The following IGDCC4 variants were observed in gnomAD, a reference collection of about 807,000 sequenced individuals.
IGDCC4 encodes the protein immunoglobulin superfamily DCC subclass member 4, also known as likely ortholog of mouse neighbor of Punc E11.
IGDCC4 carries 72 observed loss-of-function variants against 116.6 expected under a neutral mutation model. The ratio of observed to expected loss-of-function variants is 0.62; its 90% CI spans 0.51 to 0.75. The LOEUF is 0.75. Among genes scored for constraint, IGDCC4 ranks in the 30% least tolerant of loss-of-function variants. The probability of loss-of-function intolerance (pLI) is 0.00; values close to 1 mark genes in which losing one functional copy is unlikely to be tolerated. For synonymous variants in IGDCC4, 709 were observed against 719.9 expected (o/e 0.98, Z 0.24); for missense variants, 1,501 against 1,662.4 (o/e 0.90, Z 1.69).
rs1396885480 is a variant in IGDCC4 at position 65,385,969 on chromosome 15, AGCTGGGGG to A, written c.3034_3041del (p.Pro1012CysfsTer3). The A allele has an allele frequency of 2.0e-6, 3 of 1,533,672 alleles. No homozygotes were observed. Among genetic ancestry groups the A allele is most frequent in the Non-Finnish European group, 2.7e-6 (3 of 1,121,702 alleles). ...GCACAAGGGACTCCAATTCATGGGC[AGCTGGGGG>A]GCTGGGGGGGCCAAGCCGAGCTCTG... On this transcript the variant is annotated frameshift_variant, in exon 18 of 20. Coordinates refer to ENST00000352385, the MANE Select transcript of IGDCC4 (RefSeq NM_020962.3). LOFTEE classifies it high-confidence loss of function.
intron 12 of IGDCC4, 95 bp downstream of exon 12, chr15:65,391,785 C>T: frequency 9.0e-7 from 1 of 1,109,280 alleles, no homozygotes; most frequent in Non-Finnish European, 1.3e-6. Context: ...TACTAAAGTA[C>T]CTGCTCACCA....
Position 65,391,868 on chromosome 15 carries a change from C to T in IGDCC4, c.2224+12G>A, listed in dbSNP as rs2091518196. On this transcript the variant is annotated intron_variant, in intron 12 of 19. Coordinates refer to ENST00000352385, the MANE Select transcript of IGDCC4 (RefSeq NM_020962.3). ...CTGAGCCCTCCCCGCCTTCTTCCCC[C>T]ACCGCCCTCACCTGGTGCCGGCGCC... is the stretch of plus-strand genomic sequence containing the variant. 2 of 1,611,190 alleles carry T rather than the reference C, an allele frequency of 1.2e-6. No individual in the cohort carries two copies. Among genetic ancestry groups the T allele is most frequent in the Non-Finnish European group, 1.7e-6 (2 of 1,178,426 alleles).
chr15:65,403,236 G>A (rs763470354), intron 3 of IGDCC4, among the ~76,000 whole-genome samples: 1 of 152,198 alleles, frequency 6.6e-6, no homozygotes, highest in Non-Finnish European at 1.5e-5. Flanking sequence ...CTAAAAAGGA[G>A]GCAGCTCTGT....
chr15:65,409,113 G>A (rs941319788), intron 3 of IGDCC4, among the ~76,000 whole-genome samples: 1 of 152,140 alleles, frequency 6.6e-6, no homozygotes, highest in African/African-American at 2.4e-5. Flanking sequence ...GGGATTACAG[G>A]CATGAGTCAC....
rs755188851 is a variant in IGDCC4, at chr15:65,385,000, G to GTT, written c.3294_3295dup (p.Thr1099LysfsTer16). The GTT allele has an allele frequency of 6.2e-7, 1 of 1,610,886 alleles. No homozygotes were observed. Among genetic ancestry groups the GTT allele is most frequent in the Non-Finnish European group, 8.5e-7 (1 of 1,178,946 alleles). On this transcript the variant is annotated frameshift_variant, in exon 19 of 20. Transcript: ENST00000352385. LOFTEE classifies it low-confidence loss of function (END_TRUNC). This position sits in a 1 kb window ranked among gnomAD's most constrained non-coding sequence, Gnocchi z 4.9. Reference sequence around the variant, plus strand: ...AGCCTGCAGCAACAGCGTCTGCCCAGTTCCAGCAGGGGGCAGCAGGGCCCG... The same window carrying GTT: ...AGCCTGCAGCAACAGCGTCTGCCCAGTTTTCCAGCAGGGGGCAGCAGGGCCCG...
At chr15:65,392,716 C>G (rs1040677758) in intron 10 of IGDCC4, among the ~76,000 whole-genome samples, 11 of 152,140 alleles carry the variant, frequency 7.2e-5, no homozygotes, top group Non-Finnish European at 1.2e-4. Context: ...TCTGAAGGAT[C>G]AAACACTGGG....
chr15:65,385,670 C>G (rs1200628412), intron 18 of IGDCC4, 161 bp downstream of exon 18: 1 of 715,554 alleles, frequency 1.4e-6, no homozygotes, highest in East Asian at 2.7e-5. Flanking sequence ...CCATGTGCTT[C>G]CCTGACAGCC....
At chr15:65,415,371 G>C (rs546274471) in intron 1 of IGDCC4, among the ~76,000 whole-genome samples, 5 of 152,228 alleles carry the variant, frequency 3.3e-5, no homozygotes, top group Admixed American at 6.5e-5. Flanking sequence ...CAGGACGGCC[G>C]CCAGAGGGGC....
rs555620979 is a variant in IGDCC4 at position 65,422,923 on chromosome 15, G to T, written c.-61C>A. The T allele has an allele frequency of 7.2e-6, 7 of 968,188 alleles. No individual in the cohort carries two copies. Among genetic ancestry groups the T allele is most frequent in the East Asian group, 1.1e-4 (1 of 8,822 alleles). 60.0% of individuals were successfully genotyped at this position (968,188 alleles called of 1,614,324 possible). A position where few individuals can be genotyped will look rare whatever the true frequency, so the allele number is the denominator to read the frequency against. On this transcript the variant is annotated 5_prime_UTR_variant, in exon 1 of 20. Transcript: ENST00000352385. ...TCCCCGTGCTTCGGCCGCCGCCGCG[G>T]GGGGAGAGCGCGCCGGGCGTCAGTG...
At position 65,388,523 on chromosome 15, in the gene IGDCC4, C is replaced by T. The variant is rs2091482188; in HGVS notation, c.2771G>A (p.Gly924Glu). Reference protein sequence around the residue: ...ESDTRYFFKMGARTEVGPGPF... With the variant: ...ESDTRYFFKMEARTEVGPGPF... ...CCCAGGTCCCACCTCTGTGCGCGCC[C>T]CCATCTTGAAGAAGTACCGAGTGTC... is the stretch of plus-strand genomic sequence containing the variant. The change falls in exon 16 of 20, where the codon GGG (glycine) becomes GAG (glutamate). Residue 924 changes from glycine to glutamate, a missense_variant. By Grantham distance (98) the Gly-to-Glu change is moderately conservative. This residue lies in a region of IGDCC4 where 235 missense variants were observed against 328.0 expected (regional missense o/e 0.72). Coordinates refer to ENST00000352385, the MANE Select transcript of IGDCC4 (RefSeq NM_020962.3). 6.2e-7 allele frequency: 1 copy of T among 1,614,164 alleles called. No homozygotes were observed. Among genetic ancestry groups the T allele is most frequent in the Non-Finnish European group, 8.5e-7 (1 of 1,180,032 alleles).
At position 65,394,536 on chromosome 15, in the gene IGDCC4, G is replaced by A. The variant is rs1480516023; in HGVS notation, c.1589C>T (p.Ala530Val). 6.2e-7 allele frequency: 1 copy of A among 1,606,006 alleles called. No individual in the cohort carries two copies. The highest frequency in any genetic ancestry group is 2.2e-5 in the East Asian group (1 of 44,756). ...GGGGCTGGACAGGGAGAGCTGGGGT[G>A]CTGCACTGGGGACTGAGACAGAAGA... ...VHTLDDVPSA[A>V]PQLSLSSPNP... Residue 530 changes from alanine (A) to valine (V), a missense_variant, in exon 9 of 20, where the codon GCA becomes GTA. This residue lies in a region of IGDCC4 where 898 missense variants were observed against 978.9 expected (regional missense o/e 0.92). Transcript: ENST00000352385.
At chr15:65,396,220 C>CCCCCCCCCT (rs1567084979) in intron 6 of IGDCC4, 57 bp from the exon 7 acceptor site, 4 of 1,322,828 alleles carry the variant, frequency 3.0e-6, no homozygotes, top group African/African-American at 1.6e-5. Flanking sequence ...GTCTCTGCCC[C>CCCCCCCCCT]CCCCCCAGTA....
In IGDCC4 at chr15:65,383,388, A is replaced by G. The variant is rs1168152565; in HGVS notation, c.*621T>C. The G allele has an allele frequency of 2.6e-5, 4 of 152,368 alleles. No individual in the cohort carries two copies. Among genetic ancestry groups the G allele is most frequent in the Non-Finnish European group, 5.9e-5 (4 of 68,156 alleles). 9.4% of individuals were successfully genotyped at this position (152,368 alleles called of 1,614,324 possible). The stretch of plus-strand genomic sequence containing the variant: ...AGGAAGGAGGGGAAGAGTGAGAGAA[A>G]GCGGATTTTCAAAACCAGGCACTTC... On this transcript the variant is annotated 3_prime_UTR_variant, in exon 20 of 20. Coordinates refer to ENST00000352385, the MANE Select transcript of IGDCC4 (RefSeq NM_020962.3).
rs2140206314 is a variant in IGDCC4, at chr15:65,395,720, G to T, written c.1411+30C>A. The T allele has an allele frequency of 2.8e-6, 4 of 1,420,474 alleles. No individual in the cohort carries two copies. The South Asian group carries it at 6.1e-5, about 22-fold the overall frequency. The allele number at this position is 1,420,474 out of a possible 1,614,324, so 88.0% of individuals were successfully genotyped here. ...CTGGCTGCGCCCCGCCCGGGCCTGC[G>T]CTGGTGCATCCCGCCCCAGGCCGAC... On this transcript the variant is annotated intron_variant, in intron 7 of 19. Transcript: ENST00000352385.
rs1161432563 is a variant in IGDCC4, at chr15:65,390,236, G to A, written c.2327C>T (p.Thr776Ile). The A allele has an allele frequency of 6.2e-7, 1 of 1,613,538 alleles. No homozygotes were observed. The highest frequency in any genetic ancestry group is 1.3e-5 in the African/African-American group (1 of 75,054). The change falls in exon 13 of 20, where the codon ACC becomes ATC. Residue 776 changes from threonine (T) to isoleucine (I), a missense_variant. Thr to Ile is a moderately conservative substitution (Grantham distance 89, BLOSUM62 -1). Coordinates refer to ENST00000352385, the MANE Select transcript of IGDCC4 (RefSeq NM_020962.3). ...AGTGTAGTTGACAATCTTGACTGTGGTGAAATCTGGCTTTTTCCACCGAAG... is the reference window on the plus strand; with the variant it reads ...AGTGTAGTTGACAATCTTGACTGTGATGAAATCTGGCTTTTTCCACCGAAG... ...IWLRWKKPDF[T>I]TVKIVNYTVR...
intron 6 of IGDCC4, 58 bp downstream of exon 6, chr15:65,396,775 CT>C: frequency 6.5e-7 from 1 of 1,535,434 alleles, no homozygotes. Context: ...CCACCTCCCC[CT>C]GCTCTATTCA....
chr15:65,403,079 T>C (rs567797218), intron 3 of IGDCC4, among the ~76,000 whole-genome samples: 1 of 152,322 alleles, frequency 6.6e-6, no homozygotes, highest in East Asian at 1.9e-4. Context: ...CTCTCAGATG[T>C]GTGCACAAGA....
In IGDCC4 at chr15:65,422,237, C is replaced by T. The variant is rs61038935; in HGVS notation, c.70+556G>A. Among the ~76,000 whole-genome samples the T allele has an allele frequency of 3.8e-3, 571 of 152,222 alleles. 4 individuals carry two copies. The highest frequency in any genetic ancestry group is 0.013 in the African/African-American group (546 of 41,534). ...TTTATCACCACCACCCCCAGTCAAACGGGATCCATCGCTCTGTCCCCCACT... is the reference window on the plus strand; with the variant it reads ...TTTATCACCACCACCCCCAGTCAAATGGGATCCATCGCTCTGTCCCCCACT... On this transcript the variant is annotated intron_variant, in intron 1 of 19. Coordinates refer to ENST00000352385, the MANE Select transcript of IGDCC4 (RefSeq NM_020962.3).
At chr15:65,394,301 C>G in intron 9 of IGDCC4, 110 bp downstream of exon 9, 1 of 1,537,350 alleles carries the variant, frequency 6.5e-7, no homozygotes, top group Non-Finnish European at 8.8e-7. Context: ...AACCCCTACT[C>G]TGCTTCCTTT....
Sources: gnomAD v4.1 joint callset for allele counts (sites outside exome capture counted in the v4.1 genomes callset) on GRCh38, gnomAD v4.1.1 for gene constraint, gnomAD v4.1.1 regional missense constraint, Gnocchi (gnomAD v3.1) non-coding constraint, MANE v1.5 for transcripts, NCBI Gene and HGNC (gene_info 2026-07-23, HGNC 2026-07-21) for gene names.